The following ARSF variants were observed in gnomAD, a reference collection of about 807,000 sequenced individuals.
ARSF encodes the protein arylsulfatase F.
In ARSF, 33 loss-of-function variants were observed where a neutral mutation model predicts 35.4. The ratio of observed to expected loss-of-function variants is 0.93; its 90% CI spans 0.71 to 1.25. The LOEUF is 1.25. Ranked by LOEUF, ARSF falls within the 50% of genes most tolerant of loss-of-function variation. The pLI is 0.00. For synonymous variants in ARSF, 222 were observed against 193.1 expected (o/e 1.15, Z -1.24); for missense variants, 501 against 480.2 (o/e 1.04, Z -0.40).
At position 3,078,130 on chromosome X, in the gene ARSF, A is replaced by G. The variant is rs183737445; in HGVS notation, c.283+1461A>G. On this transcript the variant is annotated intron_variant, in intron 4 of 10. Coordinates refer to ENST00000381127, the MANE Select transcript of ARSF (RefSeq NM_001201539.2). ...TATATCAATTTTAGATAAAACAAAA[A>G]TGAAATGAGAAGAACGAAATTATCG... 1.6e-3 allele frequency among the ~76,000 whole-genome samples: 173 copies of G among 110,464 alleles called. 2 individuals are homozygous for G. In the South Asian group the frequency reaches 0.017, roughly 11 times the overall value.
At position 3,058,779 on chromosome X, in the gene ARSF, C is replaced by T. The variant is rs191125713; in HGVS notation, c.-28-9294C>T. On this transcript the variant is annotated intron_variant, in intron 1 of 10. Transcript: ENST00000381127. ...CAGAGGCTGAGACTGGAGGATCTTT[C>T]GAGCTTAGGAGGCTGAGGCTGCAGC... Among the ~76,000 whole-genome samples the T allele has an allele frequency of 1.9e-3, 215 of 111,590 alleles. 1 individual carries two copies. The highest frequency in any genetic ancestry group is 5.7e-3 in the African/African-American group (175 of 30,747).
At chrX:3,071,737 T>G (rs1281940527) in intron 2 of ARSF, among the ~76,000 whole-genome samples, 1 of 112,022 alleles carries the variant, frequency 8.9e-6, no homozygotes, top group Admixed American at 9.5e-5. Context: ...CGCTTGTACA[T>G]TCCCACTAAC....
intron 1 of ARSF, among the ~76,000 whole-genome samples, chrX:3,056,467 C>T (rs1463587845): frequency 9.2e-6 from 1 of 108,241 alleles, no homozygotes; most frequent in African/African-American, 3.4e-5. Context: ...GTAGAGACGG[C>T]GTTTCGCCCT....
chrX:3,084,466 C>T lies in ARSF; in HGVS notation c.630C>T (p.Gly210=), dbSNP rs756915613. The change falls in exon 6 of 11, where the codon GGC becomes GGT. Residue 210 remains glycine, a synonymous_variant. Coordinates refer to ENST00000381127, the MANE Select transcript of ARSF (RefSeq NM_001201539.2). ...CCCTAACCTTTGGGAAGCTGAGCGG[C>T]TGGGTCTCTGTTCCCTGGCTCCTGA... is the stretch of plus-strand genomic sequence containing the variant. The part of the protein sequence containing the change: ...ILTLTFGKLS[G]WVSVPWLLIF... 1 of 1,211,449 alleles carries T rather than the reference C, an allele frequency of 8.3e-7. No individual in the cohort carries two copies. Among genetic ancestry groups the T allele is most frequent in the East Asian group, 3.0e-5 (1 of 33,812 alleles).
intron 4 of ARSF, among the ~76,000 whole-genome samples, chrX:3,077,001 C>T (rs1302555539): frequency 2.7e-5 from 3 of 110,334 alleles, no homozygotes; most frequent in Non-Finnish European, 5.7e-5. Flanking sequence ...AGTGTGATCA[C>T]AGCATTGCAC....
intron 7 of ARSF, among the ~76,000 whole-genome samples, chrX:3,100,602 G>GT (rs200688281): frequency 5.7e-5 from 6 of 106,111 alleles, no homozygotes; most frequent in African/African-American, 2.1e-4. Context: ...TTGTTTTTTT[G>GT]TTTTTTGTTT....
Position 3,052,886 on chromosome X carries a change from G to C in ARSF, c.-29+11223G>C, listed in dbSNP as rs759128836. 7.2e-5 allele frequency among the ~76,000 whole-genome samples: 8 copies of C among 111,396 alleles called. No homozygotes were observed. In the East Asian group the frequency reaches 2.2e-3, roughly 31 times the overall value. On this transcript the variant is annotated intron_variant, in intron 1 of 10. Coordinates refer to ENST00000381127, the MANE Select transcript of ARSF (RefSeq NM_001201539.2). The stretch of plus-strand genomic sequence containing the variant: ...AATGTTTTAAAGAACCTGTCTCTCT[G>C]AAGTTCATCCTGCTTATCTAACTTG...
chrX:3,063,270 A>ACT (rs967761030), intron 1 of ARSF, among the ~76,000 whole-genome samples: 1 of 111,212 alleles, frequency 9.0e-6, no homozygotes, highest in Non-Finnish European at 1.9e-5. Flanking sequence ...CATGCTAAAA[A>ACT]CTCTCAATAA....
intron 8 of ARSF, among the ~76,000 whole-genome samples, chrX:3,101,595 G>C (rs935840219): frequency 1.8e-5 from 2 of 111,429 alleles, no homozygotes; most frequent in African/African-American, 6.5e-5. Context: ...CTAGAGAACA[G>C]AGATCAGAAA....
At chrX:3,091,186 A>G (rs1366570792) in intron 7 of ARSF, among the ~76,000 whole-genome samples, 1 of 112,192 alleles carries the variant, frequency 8.9e-6, no homozygotes, top group East Asian at 2.8e-4. Flanking sequence ...AAGTGCTGGG[A>G]TGACAGGCAT....
At chrX:3,061,407 T>G (rs2090041096) in intron 1 of ARSF, among the ~76,000 whole-genome samples, 1 of 110,989 alleles carries the variant, frequency 9.0e-6, no homozygotes, top group South Asian at 3.9e-4. Flanking sequence ...ACGAGCAAAA[T>G]AACCAGCTAA....
chrX:3,058,354 C>G, intron 1 of ARSF: 2 of 135,183 alleles, frequency 1.5e-5, no homozygotes, highest in South Asian at 3.5e-4. Context: ...CCTTAGGCAG[C>G]CTGGTGGTCT....
intron 1 of ARSF, among the ~76,000 whole-genome samples, chrX:3,055,342 C>CA (rs770014108): frequency 0.073 from 2,348 of 32,009 alleles, 96 homozygotes; most frequent in African/African-American, 0.15. Context: ...AACTCCATTT[C>CA]AAAAAAAAAA....
At chrX:3,050,319 G>A (rs1003045753) in intron 1 of ARSF, among the ~76,000 whole-genome samples, 2 of 109,840 alleles carry the variant, frequency 1.8e-5, no homozygotes, top group African/African-American at 6.6e-5. Context: ...CAAGGCAGGC[G>A]GATCATCTGA....
intron 8 of ARSF, among the ~76,000 whole-genome samples, chrX:3,102,998 C>A (rs1365899351): frequency 8.9e-6 from 1 of 111,873 alleles, no homozygotes; most frequent in Non-Finnish European, 1.9e-5. Context: ...TCAATTAACA[C>A]AGGACAGTGG....
rs1390544661 is a variant in ARSF at position 3,068,077 on chromosome X, CA to C, written c.-22del. 7.7e-6 allele frequency: 9 copies of C among 1,172,064 alleles called. No homozygotes were observed. Among genetic ancestry groups the C allele is most frequent in the Non-Finnish European group, 1.0e-5 (9 of 873,742 alleles). On this transcript the variant is annotated 5_prime_UTR_variant, in exon 2 of 11. Coordinates refer to ENST00000381127, the MANE Select transcript of ARSF (RefSeq NM_001201539.2). ...CGTCTGTGTCTTCTGCCAAAGACAA[CA>C]AGAAGGTATTCCAAGCTGCACAATG...
chrX:3,086,407 G>C (rs756561658), intron 6 of ARSF, among the ~76,000 whole-genome samples: 1 of 112,345 alleles, frequency 8.9e-6, no homozygotes, highest in East Asian at 2.8e-4. Flanking sequence ...CAATGGTGAA[G>C]AGGAAATATA....
Position 3,084,431 on chromosome X carries a change from G to T in ARSF, c.595G>T (p.Ala199Ser), listed in dbSNP as rs1448049749. 8.3e-7 allele frequency: 1 copy of T among 1,211,580 alleles called. No homozygotes were observed. The highest frequency in any genetic ancestry group is 2.2e-5 in the Admixed American group (1 of 45,971). The change falls in exon 6 of 11, where the codon GCC (alanine) becomes TCC (serine). Residue 199 changes from alanine to serine, a missense_variant. Physicochemically the swap from Ala to Ser is moderately conservative, Grantham distance 99. Coordinates refer to ENST00000381127, the MANE Select transcript of ARSF (RefSeq NM_001201539.2). ...LWLCVQLVAI[A>S]ILTLTFGKLS... The stretch of plus-strand genomic sequence containing the variant: ...GCTCTGTGTGCAGCTAGTTGCCATT[G>T]CCATCCTCACCCTAACCTTTGGGAA...
intron 8 of ARSF, among the ~76,000 whole-genome samples, chrX:3,102,397 A>T (rs2090382990): frequency 8.9e-6 from 1 of 111,933 alleles, no homozygotes; most frequent in Non-Finnish European, 1.9e-5. Flanking sequence ...TCCATTCCTG[A>T]GTTACTTCAC....
Sources: gnomAD v4.1 joint callset for allele counts (sites outside exome capture counted in the v4.1 genomes callset) on GRCh38, gnomAD v4.1.1 for gene constraint, MANE v1.5 for transcripts, NCBI Gene and HGNC (gene_info 2026-07-23, HGNC 2026-07-21) for gene names.